The following TBC1D31 variants were observed in gnomAD, a reference collection of about 807,000 sequenced individuals.
The protein encoded by TBC1D31 is TBC1 domain family member 31, also known as WD repeat domain 67.
A neutral mutation model predicts 132.9 loss-of-function variants in TBC1D31; 99 were observed. The ratio of observed to expected loss-of-function variants is 0.74; its 90% CI spans 0.63 to 0.88. The LOEUF is 0.88. TBC1D31 is among the 40% of genes least tolerant of loss of function. TBC1D31 has a pLI of 0.00. For missense variants in TBC1D31, 1,134 were observed against 1,256.6 expected (o/e 0.90, Z 1.48); for synonymous variants, 385 against 419.4 (o/e 0.92, Z 1.00).
At chr8:123,149,091 T>C (rs991877695) in intron 20 of TBC1D31, among the ~76,000 whole-genome samples, 2 of 152,134 alleles carry the variant, frequency 1.3e-5, no homozygotes, top group Non-Finnish European at 2.9e-5. Context: ...TTCAATCTGC[T>C]TTTTCTTTTC....
At chr8:123,073,373 C>G (rs1814114544) in intron 1 of TBC1D31, 1 of 456,356 alleles carries the variant, frequency 2.2e-6, no homozygotes, top group Non-Finnish European at 4.4e-6. Flanking sequence ...CCTCTAAGCG[C>G]TGGGGACGGC....
chr8:123,093,799 A>G (rs993558591), intron 5 of TBC1D31, 57 bp downstream of exon 5: 4 of 1,241,456 alleles, frequency 3.2e-6, no homozygotes, highest in African/African-American at 1.5e-5. Context: ...CTGGTAAAAA[A>G]TTACAAATTT....
the TBC1D31 span, among the ~76,000 whole-genome samples, chr8:123,161,464 C>G: frequency 6.6e-6 from 1 of 152,330 alleles, no homozygotes; most frequent in East Asian, 1.9e-4. Context: ...CCCTCACTTA[C>G]GAAAGCGAAA....
chr8:123,072,831 C>A lies in TBC1D31; in HGVS notation c.62C>A (p.Pro21Gln). Residue 21 changes from proline to glutamine, a missense_variant, in exon 1 of 22, where the codon CCG (proline) becomes CAG (glutamine). By Grantham distance (76) the Pro-to-Gln change is moderately conservative. Transcript: ENST00000287380. ...AAGATATGGCACCGCAAGCCGTCCC[C>A]GGCCACGCGGGACGGGTAAAGGCCG... ...SGKIWHRKPS[P>Q]ATRDGIIVNI... 6.4e-7 allele frequency: 1 copy of A among 1,569,328 alleles called. No homozygotes were observed. The highest frequency in any genetic ancestry group is 2.4e-5 in the East Asian group (1 of 42,370).
the TBC1D31 span, among the ~76,000 whole-genome samples, chr8:123,163,359 T>G: frequency 8.2e-6 from 1 of 122,012 alleles, no homozygotes; most frequent in African/African-American, 3.1e-5. Flanking sequence ...CTTTATCACT[T>G]TAACCTTTTT....
the TBC1D31 span, among the ~76,000 whole-genome samples, chr8:123,162,701 GC>G: frequency 2.0e-5 from 3 of 152,160 alleles, no homozygotes; most frequent in Non-Finnish European, 4.4e-5. Context: ...ATTTTCAATT[GC>G]ACGAATAATA....
chr8:123,078,902 T>C (rs1296009981), intron 2 of TBC1D31, among the ~76,000 whole-genome samples: 3 of 152,176 alleles, frequency 2.0e-5, no homozygotes, highest in African/African-American at 7.2e-5. Context: ...TGAAGAAGCC[T>C]AGCAAACACT....
the TBC1D31 span, among the ~76,000 whole-genome samples, chr8:123,164,752 C>T: frequency 6.6e-6 from 1 of 151,844 alleles, no homozygotes; most frequent in East Asian, 1.9e-4. Context: ...CAATGTGCCA[C>T]ACATATAGAT....
Position 123,082,368 on chromosome 8 carries a change from T to C in TBC1D31, c.225-334T>C, listed in dbSNP as rs566909642. The C allele has an allele frequency of 1.6e-5, 3 of 188,186 alleles. No individual in the cohort carries two copies. In the East Asian group the frequency reaches 4.2e-4, roughly 27 times the overall value. The allele number at this position is 188,186 out of a possible 1,614,324, so 11.7% of individuals were successfully genotyped here. On this transcript the variant is annotated intron_variant, in intron 2 of 21. Coordinates refer to ENST00000287380, the MANE Select transcript of TBC1D31 (RefSeq NM_145647.4). ...CTTCTGAAACCTCTCCTATTTATGC[T>C]CCCATATCTCTGGCTGAGATTTTCT...
chr8:123,132,660 C>T (rs1820745455), intron 16 of TBC1D31, among the ~76,000 whole-genome samples: 1 of 151,916 alleles, frequency 6.6e-6, no homozygotes, highest in African/African-American at 2.4e-5. Flanking sequence ...GTGGTCTGCC[C>T]ACCTTGGCCT....
chr8:123,123,876 T>A (rs1819741328), intron 11 of TBC1D31, among the ~76,000 whole-genome samples: 1 of 152,210 alleles, frequency 6.6e-6, no homozygotes, highest in South Asian at 2.1e-4. Flanking sequence ...GGTGATATTT[T>A]CAATAGGATT....
intron 2 of TBC1D31, among the ~76,000 whole-genome samples, chr8:123,080,985 A>G (rs79274479): frequency 1.8e-4 from 28 of 152,308 alleles, no homozygotes; most frequent in Non-Finnish European, 3.7e-4. Flanking sequence ...GGACTTAAAA[A>G]TCAGACTTGA....
intron 10 of TBC1D31, among the ~76,000 whole-genome samples, chr8:123,110,320 T>C (rs548323560): frequency 1.3e-5 from 2 of 152,262 alleles, no homozygotes; most frequent in African/African-American, 4.8e-5. Context: ...TAGAGTCCAT[T>C]CCTAGGAAGC....
chr8:123,122,081 A>T (rs62521797), intron 11 of TBC1D31, among the ~76,000 whole-genome samples: 10,335 of 152,254 alleles, frequency 0.068, 436 homozygotes, highest in Non-Finnish European at 0.092. Context: ...ACCTTCATTT[A>T]TTGCTGGTAG....
intron 2 of TBC1D31, among the ~76,000 whole-genome samples, chr8:123,079,753 C>G (rs1177223352): frequency 6.6e-6 from 1 of 152,176 alleles, no homozygotes; most frequent in African/African-American, 2.4e-5. Context: ...GCCAGGCCTC[C>G]TGATTCATGG....
intron 19 of TBC1D31, 122 bp from the exon 20 acceptor site, chr8:123,144,595 T>A: frequency 1.0e-6 from 1 of 961,136 alleles, no homozygotes; most frequent in Non-Finnish European, 1.5e-6. Context: ...ACCAAACAGA[T>A]CCTACTTGCC....
At chr8:123,087,149 C>A (rs1282012675) in intron 4 of TBC1D31, among the ~76,000 whole-genome samples, 1 of 152,192 alleles carries the variant, frequency 6.6e-6, no homozygotes, top group African/African-American at 2.4e-5. Flanking sequence ...AGCACACAGG[C>A]CCTATTCCTC....
At chr8:123,083,879 TTACCTGCAA>T (rs1466286890) in intron 3 of TBC1D31, 4 of 309,558 alleles carry the variant, frequency 1.3e-5, no homozygotes, top group African/African-American at 8.6e-5. Context: ...TTACATAAAA[TTACCTGCAA>T]GAGAAAGCCC....
chr8:123,165,105 C>G, the TBC1D31 span, among the ~76,000 whole-genome samples: 1 of 152,176 alleles, frequency 6.6e-6, no homozygotes, highest in South Asian at 2.1e-4. Context: ...GCAGAAGAAA[C>G]CAATCCTGTC....
Sources: gnomAD v4.1 joint callset for allele counts (sites outside exome capture counted in the v4.1 genomes callset) on GRCh38, gnomAD v4.1.1 for gene constraint, MANE v1.5 for transcripts, NCBI Gene and HGNC (gene_info 2026-07-23, HGNC 2026-07-21) for gene names.